The following SGCZ variants were observed in gnomAD, a reference collection of about 807,000 sequenced individuals.
SGCZ encodes sarcoglycan zeta.
Under a neutral mutation model 41.3 loss-of-function variants are expected in SGCZ, and 40 were observed. The observed-to-expected ratio is 0.97, with a 90% confidence interval of 0.75 to 1.26. The LOEUF (loss-of-function observed/expected upper bound fraction) is 1.26, where lower values mean the gene tolerates loss of function less well. Ranked by LOEUF, SGCZ falls within the 50% of genes most tolerant of loss-of-function variation. The probability of loss-of-function intolerance (pLI) is 0.00; values close to 1 mark genes in which losing one functional copy is unlikely to be tolerated. For synonymous variants in SGCZ, 206 were observed against 137.5 expected, an observed-to-expected ratio of 1.50 and a Z score of -3.49; for missense variants, 552 against 369.8, an observed-to-expected ratio of 1.49 and a Z score of -4.04.
At chr8:14,991,066 T>A (rs761398826) in intron 1 of SGCZ, among the ~76,000 whole-genome samples, 98 of 152,234 alleles carry the variant, frequency 6.4e-4, no homozygotes, top group Non-Finnish European at 1.2e-3. Context: ...TTAAAAATTT[T>A]CATGAGTTTA....
At chr8:14,288,084 GT>G (rs2116936360) in intron 3 of SGCZ, among the ~76,000 whole-genome samples, 1 of 152,158 alleles carries the variant, frequency 6.6e-6, no homozygotes, top group Admixed American at 6.6e-5. Flanking sequence ...TTGTGTAGCT[GT>G]TGACTTTTGA....
chr8:14,817,691 G>A (rs192595825), intron 1 of SGCZ, among the ~76,000 whole-genome samples: 15 of 152,198 alleles, frequency 9.9e-5, no homozygotes, highest in South Asian at 8.3e-4. Context: ...CCCTCATTCC[G>A]CCAGGGAACA....
chr8:14,681,146 G>C (rs550202900), intron 1 of SGCZ, among the ~76,000 whole-genome samples: 2 of 152,060 alleles, frequency 1.3e-5, no homozygotes, highest in Admixed American at 1.3e-4. Flanking sequence ...AGAAAAAATA[G>C]TCCAAAGAAA....
At chr8:14,922,600 A>G (rs1263227256) in intron 1 of SGCZ, among the ~76,000 whole-genome samples, 1 of 152,074 alleles carries the variant, frequency 6.6e-6, no homozygotes, top group Non-Finnish European at 1.5e-5. Context: ...ATCCTAAACT[A>G]TATTCCTAGA....
chr8:14,530,108 T>C (rs1326366903), intron 2 of SGCZ, among the ~76,000 whole-genome samples: 1 of 152,004 alleles, frequency 6.6e-6, no homozygotes, highest in Non-Finnish European at 1.5e-5. Context: ...TTTTCCAGTA[T>C]ACAAAACCAT....
chr8:14,401,546 T>C (rs1799076667), intron 2 of SGCZ, among the ~76,000 whole-genome samples: 1 of 149,992 alleles, frequency 6.7e-6, no homozygotes, highest in Non-Finnish European at 1.5e-5. Context: ...TGTTTGGTTT[T>C]TTGTTCTTGC....
intron 4 of SGCZ, among the ~76,000 whole-genome samples, chr8:14,199,719 G>A (rs1174994185): frequency 1.3e-5 from 2 of 151,960 alleles, no homozygotes; most frequent in Admixed American, 6.6e-5. Context: ...AAGAACCTAC[G>A]TGAAATATCA....
At chr8:14,092,928 G>T (rs867405807) in intron 7 of SGCZ, among the ~76,000 whole-genome samples, 8 of 151,838 alleles carry the variant, frequency 5.3e-5, no homozygotes, top group Non-Finnish European at 1.0e-4. Context: ...TATTACCTAT[G>T]TTCAATACCT....
intron 2 of SGCZ, among the ~76,000 whole-genome samples, chr8:14,362,564 A>G (rs146165056): frequency 0.02 from 3,102 of 152,274 alleles, 87 homozygotes; most frequent in African/African-American, 0.058. Flanking sequence ...CGCAGTATGT[A>G]GGCAGAAGTG....
chr8:15,232,942 T>A (rs1802002611), intron 1 of SGCZ, among the ~76,000 whole-genome samples: 1 of 151,804 alleles, frequency 6.6e-6, no homozygotes, highest in South Asian at 2.1e-4. Flanking sequence ...CATCACAGTA[T>A]AACCCATAAA....
intron 2 of SGCZ, among the ~76,000 whole-genome samples, chr8:14,505,229 TA>T (rs1349816226): frequency 6.6e-6 from 1 of 152,144 alleles, no homozygotes; most frequent in Non-Finnish European, 1.5e-5. Context: ...GCATATGGTT[TA>T]TTGAAGTTGT....
intron 2 of SGCZ, among the ~76,000 whole-genome samples, chr8:14,522,128 G>A (rs1802809068): frequency 6.6e-6 from 1 of 151,938 alleles, no homozygotes; most frequent in African/African-American, 2.4e-5. Context: ...GTTGCTCATG[G>A]TGCATAATGC....
chr8:14,702,376 T>A (rs576987675), intron 1 of SGCZ, among the ~76,000 whole-genome samples: 26 of 152,044 alleles, frequency 1.7e-4, no homozygotes, highest in African/African-American at 5.5e-4. Context: ...TCTTCTTAAG[T>A]GATCCAATCC....
chr8:14,794,287 G>C (rs1801050508), intron 1 of SGCZ, among the ~76,000 whole-genome samples: 2 of 152,026 alleles, frequency 1.3e-5, no homozygotes, highest in African/African-American at 4.8e-5. Context: ...CAATAGAGAA[G>C]ATTCAGGAAA....
chr8:14,550,108 G>C (rs944564571), intron 2 of SGCZ, among the ~76,000 whole-genome samples: 9 of 151,978 alleles, frequency 5.9e-5, no homozygotes, highest in African/African-American at 2.2e-4. Flanking sequence ...AAATTCGTAA[G>C]ATCATTGGTT....
At chr8:14,769,755 A>AT (rs1267383518) in intron 1 of SGCZ, among the ~76,000 whole-genome samples, 2 of 142,916 alleles carry the variant, frequency 1.4e-5, no homozygotes, top group Non-Finnish European at 3.0e-5. Flanking sequence ...AGATCGTGCC[A>AT]TTGCACTCCA....
chr8:14,664,848 C>T (rs1242455404), intron 1 of SGCZ, among the ~76,000 whole-genome samples: 1 of 152,070 alleles, frequency 6.6e-6, no homozygotes, highest in Non-Finnish European at 1.5e-5. Flanking sequence ...TTCCAAATAT[C>T]TCATGTTGTT....
At chr8:14,364,345 C>A (rs1469725593) in intron 2 of SGCZ, among the ~76,000 whole-genome samples, 1 of 152,092 alleles carries the variant, frequency 6.6e-6, no homozygotes, top group Non-Finnish European at 1.5e-5. Flanking sequence ...GCTACATCCC[C>A]TTCTGCTATT....
intron 5 of SGCZ, among the ~76,000 whole-genome samples, chr8:14,139,529 T>C (rs530872826): frequency 3.9e-5 from 6 of 152,168 alleles, no homozygotes; most frequent in African/African-American, 1.4e-4. Flanking sequence ...CGCACAGTAA[T>C]ACAAACTACC....
Sources: allele counts gnomAD v4.1 joint callset (sites outside exome capture counted in the v4.1 genomes callset), GRCh38; gene constraint gnomAD v4.1.1; transcripts MANE v1.5; gene names NCBI Gene and HGNC (gene_info 2026-07-23, HGNC 2026-07-21).